The following APOBEC3F variants were observed in gnomAD, a reference collection of about 807,000 sequenced individuals.
APOBEC3F encodes the protein apolipoprotein B mRNA editing enzyme catalytic subunit 3F, also known as DNA dC->dU-editing enzyme APOBEC-3F.
APOBEC3F carries 34 observed loss-of-function variants against 45.8 expected under a neutral mutation model. That is an observed-to-expected ratio of 0.74 (90% CI 0.57 to 0.99). APOBEC3F has a LOEUF of 0.99. Among genes scored for constraint, APOBEC3F ranks in the 50% least tolerant of loss-of-function variants. The probability of loss-of-function intolerance (pLI) is 0.00; values close to 1 mark genes in which losing one functional copy is unlikely to be tolerated. For synonymous variants in APOBEC3F, 192 were observed against 174.4 expected, an observed-to-expected ratio of 1.10 and a Z score of -0.80; for missense variants, 459 against 474.1, an observed-to-expected ratio of 0.97 and a Z score of 0.30.
chr22:39,049,068 T>A (rs1927356677), intron 4 of APOBEC3F, among the ~76,000 whole-genome samples: 1 of 152,066 alleles, frequency 6.6e-6, no homozygotes, highest in African/African-American at 2.4e-5. Context: ...AGAATCATCA[T>A]CATCGGACAG....
rs191354328 is a variant in APOBEC3F, at chr22:39,042,287, G to T, written c.18-650G>T. Reference sequence around the variant, plus strand: ...AAAGGTTAAAATCTATTATTTTGGGGTGAATAGTTTTATTCTCTCTCTCTT... The same window carrying T: ...AAAGGTTAAAATCTATTATTTTGGGTTGAATAGTTTTATTCTCTCTCTCTT... On this transcript the variant is annotated intron_variant, in intron 1 of 6. Transcript: ENST00000308521. 6.6e-5 allele frequency among the ~76,000 whole-genome samples: 10 copies of T among 151,876 alleles called. No individual in the cohort carries two copies. In the Middle Eastern group the frequency reaches 0.014, roughly 207 times the overall value.
At chr22:39,047,047 C>T (rs1927258797) in intron 4 of APOBEC3F, among the ~76,000 whole-genome samples, 1 of 152,126 alleles carries the variant, frequency 6.6e-6, no homozygotes, top group Non-Finnish European at 1.5e-5. Context: ...CTCCACCCTT[C>T]TGTGACATAG....
intron 4 of APOBEC3F, 75 bp downstream of exon 4, chr22:39,045,617 A>G (rs984478159): frequency 5.8e-5 from 93 of 1,603,724 alleles, no homozygotes; most frequent in Middle Eastern, 1.7e-4. Flanking sequence ...TCCCCTGGCC[A>G]GGCCCTCCTG....
rs148886390 is a variant in APOBEC3F at position 39,045,152 on chromosome 22, G to A, written c.383G>A (p.Arg128Lys). The change falls in exon 3 of 7, where the codon AGA (arginine) becomes AAA (lysine). Residue 128 changes from arginine (R) to lysine (K), a missense_variant. Coordinates refer to ENST00000308521, the MANE Select transcript of APOBEC3F (RefSeq NM_145298.6). ...SAARLYYYWE[R>K]DYRRALCRLS... The stretch of plus-strand genomic sequence containing the variant: ...GCCCGCCTCTACTACTACTGGGAAA[G>A]AGATTACCGAAGGGCGCTCTGCAGG... The A allele has an allele frequency of 4.3e-5, 70 of 1,614,028 alleles. 1 individual carries two copies. The South Asian group carries it at 6.1e-4, about 14-fold the overall frequency.
rs1176722930 is a variant in APOBEC3F at position 39,052,274 on chromosome 22, C to T, written c.924C>T (p.Tyr308=). The change falls in exon 6 of 7, where the codon TAC becomes TAT. Residue 308 remains tyrosine (Y), a synonymous_variant. Coordinates refer to ENST00000308521, the MANE Select transcript of APOBEC3F (RefSeq NM_145298.6). The stretch of plus-strand genomic sequence containing the variant: ...CCATCTTCACCGCCCGCCTCTACTA[C>T]TTCTGGGATACAGATTACCAGGAGG... The part of the protein sequence containing the change: ...NLTIFTARLY[Y]FWDTDYQEGL... 1 of 1,614,232 alleles carries T rather than the reference C, an allele frequency of 6.2e-7. No homozygotes were observed. The highest frequency in any genetic ancestry group is 1.7e-5 in the Admixed American group (1 of 60,028).
At position 39,049,323 on chromosome 22, in the gene APOBEC3F, G is replaced by A. The variant is rs112283226; in HGVS notation, c.567-102G>A. On this transcript the variant is annotated intron_variant, in intron 4 of 6. Coordinates refer to ENST00000308521, the MANE Select transcript of APOBEC3F (RefSeq NM_145298.6). ...CCCAGTCTTTCTGCCTGGGAAAGCAGCAGACATTCCCAGGGCTGTCCAGTG... is the reference window on the plus strand; with the variant it reads ...CCCAGTCTTTCTGCCTGGGAAAGCAACAGACATTCCCAGGGCTGTCCAGTG... 619 of 1,352,300 alleles carry A rather than the reference G, an allele frequency of 4.6e-4. 2 individuals carry two copies. The African/African-American group carries it at 7.2e-3, about 16-fold the overall frequency. The allele number at this position is 1,352,300 out of a possible 1,614,324, so 83.8% of individuals were successfully genotyped here.
At chr22:39,046,620 T>A (rs1927236293) in intron 4 of APOBEC3F, among the ~76,000 whole-genome samples, 1 of 139,814 alleles carries the variant, frequency 7.2e-6, no homozygotes, top group African/African-American at 2.7e-5. Flanking sequence ...TTGAATAAGA[T>A]TTTTTTTTTT....
intron 1 of APOBEC3F, 118 bp from the exon 2 acceptor site, chr22:39,042,819 G>A (rs1926982534): frequency 1.0e-5 from 15 of 1,466,910 alleles, no homozygotes; most frequent in Non-Finnish European, 1.4e-5. Flanking sequence ...AATTCTCAGG[G>A]CTGTGGAGGG....
At chr22:39,041,030 G>T in intron 1 of APOBEC3F, 53 bp downstream of exon 1, 1 of 1,565,236 alleles carries the variant, frequency 6.4e-7, no homozygotes, top group East Asian at 2.4e-5. Context: ...TTCCTGCCTG[G>T]TGGCTCTGCT....
At chr22:39,047,649 A>G (rs1290004197) in intron 4 of APOBEC3F, among the ~76,000 whole-genome samples, 1 of 149,012 alleles carries the variant, frequency 6.7e-6, no homozygotes, top group Non-Finnish European at 1.5e-5. Flanking sequence ...TGCTCCCACT[A>G]CCAGCCAGGC....
rs746212211 is a variant in APOBEC3F, at chr22:39,052,691, A to G, written c.1118A>G (p.Glu373Gly). ...GACAGCAAGCTGCAGGAGATTCTCG[A>G]GTGAGGGGTCTCCCCGGGCCTCATG... ...FLDSKLQEIL[E>G] Residue 373 changes from glutamate (E) to glycine (G), a missense_variant, in exon 7 of 7, where the codon GAG becomes GGG. By Grantham distance (98) the Glu-to-Gly change is moderately conservative. Transcript: ENST00000308521. 20 of 1,612,636 alleles carry G rather than the reference A, an allele frequency of 1.2e-5. No homozygotes were observed. In the South Asian group the frequency reaches 2.0e-4, roughly 16 times the overall value.
intron 5 of APOBEC3F, 83 bp from the exon 6 acceptor site, chr22:39,051,991 G>T (rs549475759): frequency 6.4e-7 from 1 of 1,558,666 alleles, no homozygotes; most frequent in South Asian, 1.2e-5. Flanking sequence ...CTCCAGGCCC[G>T]CCCTCTGCTC....
chr22:39,052,386 C>G, intron 6 of APOBEC3F, 33 bp downstream of exon 6: 1 of 1,609,412 alleles, frequency 6.2e-7, no homozygotes, highest in Non-Finnish European at 8.5e-7. Context: ...AGAGTGGGTG[C>G]GGGAGGGACA....
intron 2 of APOBEC3F, 128 bp downstream of exon 2, chr22:39,043,218 G>A: frequency 2.2e-6 from 3 of 1,337,806 alleles, no homozygotes; most frequent in South Asian, 1.5e-5. Context: ...CACTTTCCAA[G>A]TCCGTGGCCC....
rs770813280 is a variant in APOBEC3F, at chr22:39,052,196, G to C, written c.846G>C (p.Glu282Asp). The C allele has an allele frequency of 9.9e-6, 16 of 1,614,104 alleles. No homozygotes were observed. The highest frequency in any genetic ancestry group is 4.5e-5 in the East Asian group (2 of 44,896). ...ACACATCTTGGAGCCCTTGCCCAGA[G>C]TGTGCAGGGGAGGTGGCCGAGTTCC... is the stretch of plus-strand genomic sequence containing the variant. ...TWYTSWSPCPECAGEVAEFLA... is the reference protein window; with the variant it reads ...TWYTSWSPCPDCAGEVAEFLA... Residue 282 changes from glutamate to aspartate, a missense_variant, in exon 6 of 7, where the codon GAG becomes GAC. By Grantham distance (45) the Glu-to-Asp change is conservative. Coordinates refer to ENST00000308521, the MANE Select transcript of APOBEC3F (RefSeq NM_145298.6).
Position 39,054,468 on chromosome 22 carries a change from G to A in APOBEC3F, c.*1773G>A. Among the ~76,000 whole-genome samples, 1 of 152,116 alleles carries A rather than the reference G, an allele frequency of 6.6e-6. No individual in the cohort carries two copies. The highest frequency in any genetic ancestry group is 1.9e-4 in the East Asian group (1 of 5,188). On this transcript the variant is annotated 3_prime_UTR_variant, in exon 7 of 7. Transcript: ENST00000308521. ...GCTGGTCTTGAACTCCTGACCTCGT[G>A]ATCCACCCGTCTCGGCCTCCCAAAG... is the stretch of plus-strand genomic sequence containing the variant.
intron 6 of APOBEC3F, 88 bp from the exon 7 acceptor site, chr22:39,052,489 G>A (rs1001866775): frequency 5.7e-6 from 9 of 1,568,930 alleles, no homozygotes; most frequent in African/African-American, 1.4e-5. Context: ...GCAACTGGCA[G>A]TCAGGAGACC....
rs781519343 is a variant in APOBEC3F at position 39,049,481 on chromosome 22, G to A, written c.623G>A (p.Arg208His). 3.1e-6 allele frequency: 5 copies of A among 1,613,886 alleles called. No homozygotes were observed. The highest frequency in any genetic ancestry group is 4.2e-6 in the Non-Finnish European group (5 of 1,179,998). The change falls in exon 5 of 7, where the codon CGC becomes CAC. Residue 208 changes from arginine (R) to histidine (H), a missense_variant. Arg to His is a conservative substitution (Grantham distance 29). Transcript: ENST00000308521. ...HIFYFHFKNLRKAYGRNESWL... is the reference protein window; with the variant it reads ...HIFYFHFKNLHKAYGRNESWL... ...TTCTACTTCCACTTTAAAAACCTACGCAAAGCCTATGGTCGGAACGAAAGC... is the reference window on the plus strand; with the variant it reads ...TTCTACTTCCACTTTAAAAACCTACACAAAGCCTATGGTCGGAACGAAAGC...
intron 4 of APOBEC3F, among the ~76,000 whole-genome samples, 176 bp downstream of exon 4, chr22:39,045,718 C>T (rs1927184865): frequency 6.6e-6 from 1 of 152,100 alleles, no homozygotes; most frequent in Non-Finnish European, 1.5e-5. Context: ...TCCCTCTTTC[C>T]TGGGCCCCTC....
Sources: gnomAD v4.1 joint callset for allele counts (sites outside exome capture counted in the v4.1 genomes callset) on GRCh38, gnomAD v4.1.1 for gene constraint, MANE v1.5 for transcripts, NCBI Gene and HGNC (gene_info 2026-07-23, HGNC 2026-07-21) for gene names.